Variants in SH3BP2 observed in about 807,000 individuals in gnomAD.
The protein encoded by SH3BP2 is SH3 domain binding protein 2.
SH3BP2 carries 38 observed loss-of-function variants against 56.2 expected under a neutral mutation model. The observed-to-expected ratio is 0.68, with a 90% CI of 0.52 to 0.89. The LOEUF (loss-of-function observed/expected upper bound fraction) is 0.89. Ranked by LOEUF, SH3BP2 falls within the 40% of genes least tolerant of loss-of-function variation. SH3BP2 has a pLI of 0.00. For synonymous variants in SH3BP2, 346 were observed against 316.7 expected (o/e 1.09, Z -0.98); for missense variants, 748 against 762.6 (o/e 0.98, Z 0.23).
intron 5 of SH3BP2, chr4:2,826,920 C>T (rs1367128524): frequency 1.8e-6 from 1 of 568,152 alleles, no homozygotes; most frequent in Non-Finnish European, 3.3e-6. Context: ...TATATCCATG[C>T]CTGTGTGCCT....
chr4:2,832,426 G>T lies in SH3BP2; in HGVS notation c.1488+14G>T, dbSNP rs1230861507. On this transcript the variant is annotated intron_variant, in intron 11 of 12. Transcript: ENST00000503393. ...AAGTCGGGGAAGGTAGGCGCCAGGGGAAGATGCCCCAGGGCCCCTCTGGCT... is the reference window on the plus strand; with the variant it reads ...AAGTCGGGGAAGGTAGGCGCCAGGGTAAGATGCCCCAGGGCCCCTCTGGCT... The T allele has an allele frequency of 1.9e-6, 3 of 1,610,250 alleles. No homozygotes were observed. The highest frequency in any genetic ancestry group is 2.2e-5 in the South Asian group (2 of 91,022).
chr4:2,831,532 C>G lies in SH3BP2; in HGVS notation c.1242-39C>G, dbSNP rs1295378226. 6.7e-7 allele frequency: 1 copy of G among 1,487,276 alleles called. No homozygotes were observed. Among genetic ancestry groups the G allele is most frequent in the Non-Finnish European group, 9.2e-7 (1 of 1,087,932 alleles). The allele number at this position is 1,487,276 out of a possible 1,614,324, so 92.1% of individuals were successfully genotyped here. On this transcript the variant is annotated intron_variant, in intron 8 of 12. Coordinates refer to ENST00000503393, the MANE Select transcript of SH3BP2 (RefSeq NM_001122681.2). This position sits in a 1 kb window ranked among gnomAD's most constrained non-coding sequence, Gnocchi z 4.1. ...CAGAGGGTGGCCGCCCCGTGTCTGA[C>G]AGTGAAATGGTCCTGCCTTCCTCTC...
At chr4:2,793,445 G>C (rs1722963075) in intron 1 of SH3BP2, among the ~76,000 whole-genome samples, 1 of 150,856 alleles carries the variant, frequency 6.6e-6, no homozygotes, top group South Asian at 2.1e-4. Context: ...CGGGGCCTCC[G>C]TGTCCTTGCC....
Position 2,831,479 on chromosome 4 carries a change from C to T in SH3BP2, c.1242-92C>T, listed in dbSNP as rs543152179. The T allele has an allele frequency of 4.7e-5, 45 of 964,938 alleles. No individual in the cohort carries two copies. The East Asian group carries it at 1.1e-3, about 24-fold the overall frequency. 59.8% of individuals were successfully genotyped at this position (964,938 alleles called of 1,614,324 possible). A position where few individuals can be genotyped will look rare whatever the true frequency, so the allele number is the denominator to read the frequency against. ...GCCATAGCAGGCAGCTTGCCGTCCT[C>T]ACACAGAGGGTGGAGTGGGGAGGGG... On this transcript the variant is annotated intron_variant, in intron 8 of 12. Transcript: ENST00000503393. This position sits in a 1 kb window ranked among gnomAD's most constrained non-coding sequence, Gnocchi z 4.1.
At position 2,824,925 on chromosome 4, in the gene SH3BP2, C is replaced by T. The variant is rs371761201; in HGVS notation, c.357+195C>T. ...CCATCCCCATGCCCAGAGCCTGGTGCCAGCGCCCACACAAGGAACATGCTG... is the reference window on the plus strand; with the variant it reads ...CCATCCCCATGCCCAGAGCCTGGTGTCAGCGCCCACACAAGGAACATGCTG... On this transcript the variant is annotated intron_variant, in intron 4 of 12. Transcript: ENST00000503393. 66 of 669,028 alleles carry T rather than the reference C, an allele frequency of 9.9e-5. 1 individual carries two copies. Among genetic ancestry groups the T allele is most frequent in the East Asian group, 8.2e-4 (30 of 36,792 alleles). 41.4% of individuals were successfully genotyped at this position (669,028 alleles called of 1,614,324 possible).
At chr4:2,817,750 C>G (rs989530419) in intron 1 of SH3BP2, 1 of 152,260 alleles carries the variant, frequency 6.6e-6, no homozygotes, top group Non-Finnish European at 1.5e-5. Flanking sequence ...TGGAGTCCCG[C>G]AGGAAAGTGG....
At chr4:2,802,219 T>C (rs1723309972) in intron 1 of SH3BP2, among the ~76,000 whole-genome samples, 1 of 152,122 alleles carries the variant, frequency 6.6e-6, no homozygotes, top group Non-Finnish European at 1.5e-5. Context: ...GCCAACATAG[T>C]GAAACCCTGT....
Position 2,829,937 on chromosome 4 carries a change from C to T in SH3BP2, c.1031C>T (p.Pro344Leu). The T allele has an allele frequency of 6.2e-7, 1 of 1,613,558 alleles. No homozygotes were observed. The highest frequency in any genetic ancestry group is 8.5e-7 in the Non-Finnish European group (1 of 1,179,860). ...TCCTTCCACCTGTCCCCCCGAGGAC[C>T]ACCCACATCTGAGCCCCCACCTGTG... ...LKSFHLSPRG[P>L]PTSEPPPVPA... The change falls in exon 8 of 13, where the codon CCA (proline) becomes CTA (leucine). Residue 344 changes from proline to leucine, a missense_variant. By Grantham distance (98) the Pro-to-Leu change is moderately conservative. Coordinates refer to ENST00000503393, the MANE Select transcript of SH3BP2 (RefSeq NM_001122681.2). This position sits in a 1 kb window ranked among gnomAD's most constrained non-coding sequence, Gnocchi z 4.9.
At chr4:2,811,187 A>G (rs939503248) in intron 1 of SH3BP2, among the ~76,000 whole-genome samples, 3 of 152,042 alleles carry the variant, frequency 2.0e-5, no homozygotes, top group Admixed American at 1.3e-4. Context: ...TTAGCCTGGG[A>G]GCTGCCTTTT....
intron 1 of SH3BP2, chr4:2,818,438 C>T (rs1221301912): frequency 2.8e-6 from 3 of 1,060,694 alleles, no homozygotes; most frequent in African/African-American, 1.7e-5. Flanking sequence ...GGGCCGCGAG[C>T]TTCCGGCTCT....
chr4:2,824,393 A>C (rs910387207), intron 3 of SH3BP2, among the ~76,000 whole-genome samples: 1 of 152,080 alleles, frequency 6.6e-6, no homozygotes, highest in African/African-American at 2.4e-5. Context: ...GCTCCCACGA[A>C]GCCCACCCAG....
chr4:2,820,753 T>G lies in SH3BP2; in HGVS notation c.136T>G (p.Trp46Gly). The change falls in exon 2 of 13, where the codon TGG becomes GGG. Residue 46 changes from tryptophan to glycine, a missense_variant and splice_region_variant. Transcript: ENST00000503393. ...CGGTACCCAGCTGCAGCTGCTGAAA[T>G]GTGAGTCCCTGGGGTGGTAGGGTGC... ...KGGTQLQLLKWPLRFVIIHKR... is the reference protein window; with the variant it reads ...KGGTQLQLLKGPLRFVIIHKR... 6.2e-7 allele frequency: 1 copy of G among 1,613,074 alleles called. No individual in the cohort carries two copies. Among genetic ancestry groups the G allele is most frequent in the Non-Finnish European group, 8.5e-7 (1 of 1,179,410 alleles).
chr4:2,828,376 C>G (rs1724793034), intron 7 of SH3BP2, among the ~76,000 whole-genome samples: 1 of 152,082 alleles, frequency 6.6e-6, no homozygotes. Context: ...CCCGTATCCT[C>G]TCTGCCTCCC....
intron 7 of SH3BP2, among the ~76,000 whole-genome samples, chr4:2,828,134 A>G (rs1724775422): frequency 6.6e-6 from 1 of 151,880 alleles, no homozygotes; most frequent in Non-Finnish European, 1.5e-5. Context: ...ACAGGTGGTC[A>G]CACGTGGATG....
At position 2,832,341 on chromosome 4, in the gene SH3BP2, G is replaced by T. The variant is rs1463424103; in HGVS notation, c.1417G>T (p.Ala473Ser). The T allele has an allele frequency of 6.2e-7, 1 of 1,613,926 alleles. No individual in the cohort carries two copies. The highest frequency in any genetic ancestry group is 8.5e-7 in the Non-Finnish European group (1 of 1,179,914). Residue 473 changes from alanine (A) to serine (S), a missense_variant, in exon 11 of 13, where the codon GCT (alanine) becomes TCT (serine). Coordinates refer to ENST00000503393, the MANE Select transcript of SH3BP2 (RefSeq NM_001122681.2). ...ESCEVERLFK[A>S]TSPRGEPQDG... ...ACTGTCTTATTTTAGGTTGTTCAAG[G>T]CTACAAGCCCCCGGGGAGAGCCCCA...
chr4:2,813,209 G>A (rs1289904484), intron 1 of SH3BP2, among the ~76,000 whole-genome samples: 1 of 152,246 alleles, frequency 6.6e-6, no homozygotes, highest in African/African-American at 2.4e-5. Flanking sequence ...CAAGGTGGAA[G>A]CCGCCCCATC....
intron 1 of SH3BP2, among the ~76,000 whole-genome samples, chr4:2,801,920 C>T (rs1410205337): frequency 6.6e-6 from 1 of 152,026 alleles, no homozygotes; most frequent in African/African-American, 2.4e-5. Flanking sequence ...CCAGCCTGAC[C>T]ACCGTGGTGA....
chr4:2,823,105 A>T, intron 3 of SH3BP2, 68 bp downstream of exon 3: 6 of 1,141,336 alleles, frequency 5.3e-6, no homozygotes, highest in Non-Finnish European at 7.9e-6. Flanking sequence ...GCAGAGCCCC[A>T]GCTGGGCCTG....
chr4:2,832,405 C>CG lies in SH3BP2; in HGVS notation c.1485dup (p.Lys496GlufsTer11), dbSNP rs1560113594. The CG allele has an allele frequency of 6.2e-7, 1 of 1,613,906 alleles. No homozygotes were observed. Among genetic ancestry groups the CG allele is most frequent in the East Asian group, 2.2e-5 (1 of 44,884 alleles). ...TGCATCCGGAACTCCTCTACCAAGT[C>CG]GGGGAAGGTAGGCGCCAGGGGAAGA... is the stretch of plus-strand genomic sequence containing the variant. On this transcript the variant is annotated frameshift_variant, in exon 11 of 13. Transcript: ENST00000503393. LOFTEE classifies it high-confidence loss of function.
Sources: allele counts gnomAD v4.1 joint callset (sites outside exome capture counted in the v4.1 genomes callset), GRCh38; gene constraint gnomAD v4.1.1; non-coding constraint Gnocchi (gnomAD v3.1); transcripts MANE v1.5; gene names NCBI Gene and HGNC (gene_info 2026-07-23, HGNC 2026-07-21).